The following GRID2 variants were observed in gnomAD, a reference collection of about 807,000 sequenced individuals.
GRID2 encodes glutamate receptor ionotropic, delta-2.
GRID2 carries 33 observed loss-of-function variants against 114.8 expected under a neutral mutation model. That is an observed-to-expected ratio of 0.29 (90% CI 0.22 to 0.38). GRID2 has a LOEUF of 0.38. Among genes scored for constraint, GRID2 ranks in the 10% least tolerant of loss-of-function variants. GRID2 has a pLI of 1.00. For missense variants in GRID2, 1,184 were observed against 1,257.7 expected (o/e 0.94, Z 0.89); for synonymous variants, 505 against 449.9 (o/e 1.12, Z -1.55).
Position 92,393,812 on chromosome 4 carries a change from G to A in GRID2, c.88+89068G>A, listed in dbSNP as rs534577354. Among the ~76,000 whole-genome samples, 10 of 152,188 alleles carry A rather than the reference G, an allele frequency of 6.6e-5. No homozygotes were observed. The East Asian group carries it at 1.7e-3, about 26-fold the overall frequency. ...AGCTAACTCGATGTTCATTTTAATG[G>A]AATTTTTATGTTAAAGCCTAGTGAT... On this transcript the variant is annotated intron_variant, in intron 1 of 15. Transcript: ENST00000282020.
At chr4:93,104,299 A>G (rs1383404794) in intron 3 of GRID2, among the ~76,000 whole-genome samples, 1 of 152,100 alleles carries the variant, frequency 6.6e-6, no homozygotes, top group Non-Finnish European at 1.5e-5. Flanking sequence ...AGTTATTAAT[A>G]GTATTTTTTA....
intron 1 of GRID2, among the ~76,000 whole-genome samples, chr4:92,424,752 C>T (rs1222380807): frequency 1.3e-5 from 2 of 149,580 alleles, no homozygotes; most frequent in Non-Finnish European, 3.0e-5. Context: ...ACCACAAGGA[C>T]AAGCTTCTAG....
intron 9 of GRID2, among the ~76,000 whole-genome samples, chr4:93,400,785 C>G (rs1023728333): frequency 1.3e-5 from 2 of 152,034 alleles, no homozygotes; most frequent in Non-Finnish European, 2.9e-5. Flanking sequence ...AACATACATT[C>G]ACTCATGAAT....
intron 2 of GRID2, among the ~76,000 whole-genome samples, chr4:92,974,479 C>G: frequency 6.6e-6 from 1 of 152,032 alleles, no homozygotes; most frequent in East Asian, 1.9e-4. Flanking sequence ...AAAGATGGCA[C>G]ATATACACCA....
intron 2 of GRID2, among the ~76,000 whole-genome samples, chr4:92,951,950 T>A (rs1752072981): frequency 6.6e-6 from 1 of 152,180 alleles, no homozygotes; most frequent in African/African-American, 2.4e-5. Flanking sequence ...CTCACCTAAG[T>A]CTTATTGATT....
At chr4:92,817,898 A>G (rs540809892) in intron 2 of GRID2, among the ~76,000 whole-genome samples, 5 of 152,230 alleles carry the variant, frequency 3.3e-5, no homozygotes, top group African/African-American at 9.6e-5. Flanking sequence ...AAACAGATAC[A>G]GAGGAGTTTT....
chr4:92,663,183 T>C (rs532933170), intron 2 of GRID2, among the ~76,000 whole-genome samples: 56 of 151,116 alleles, frequency 3.7e-4, no homozygotes, highest in African/African-American at 1.3e-3. Context: ...AGCCTCTTGA[T>C]GGACAAAAAT....
intron 2 of GRID2, among the ~76,000 whole-genome samples, chr4:93,035,624 G>C (rs186143757): frequency 6.6e-6 from 1 of 152,162 alleles, no homozygotes; most frequent in East Asian, 1.9e-4. Context: ...ATCCTCTCAA[G>C]TACTGGATTG....
At position 92,848,565 on chromosome 4, in the gene GRID2, C is replaced by T. The variant is rs780446138; in HGVS notation, c.245-236430C>T. On this transcript the variant is annotated intron_variant, in intron 2 of 15. Transcript: ENST00000282020. ...CAACTCCATTTTGCAAAGTGCAAAT[C>T]GGAGGCCTTGGAGTGGCCTTTGATT... 4.6e-5 allele frequency among the ~76,000 whole-genome samples: 7 copies of T among 151,970 alleles called. No individual in the cohort carries two copies. In the South Asian group the frequency reaches 1.5e-3, roughly 32 times the overall value.
At chr4:92,818,474 G>A (rs534471776) in intron 2 of GRID2, among the ~76,000 whole-genome samples, 1 of 152,070 alleles carries the variant, frequency 6.6e-6, no homozygotes, top group Non-Finnish European at 1.5e-5. Context: ...CATTACCAAC[G>A]AAGGCCCAAC....
At chr4:92,439,755 G>T (rs1008180398) in intron 1 of GRID2, among the ~76,000 whole-genome samples, 41 of 146,038 alleles carry the variant, frequency 2.8e-4, no homozygotes, top group African/African-American at 8.3e-4. Context: ...GACATCTGAT[G>T]AGAGAGTGCC....
At chr4:92,756,474 TTCAA>T (rs1737725697) in intron 2 of GRID2, among the ~76,000 whole-genome samples, 1 of 152,172 alleles carries the variant, frequency 6.6e-6, no homozygotes, top group African/African-American at 2.4e-5. Flanking sequence ...AGTGAGATTA[TTCAA>T]TCAAATAGTA....
chr4:92,583,056 T>G (rs1728257428), intron 1 of GRID2, among the ~76,000 whole-genome samples: 1 of 152,076 alleles, frequency 6.6e-6, no homozygotes, highest in Non-Finnish European at 1.5e-5. Flanking sequence ...TGTTTTAATG[T>G]ATATATTGCC....
At chr4:92,550,100 C>T (rs1401793235) in intron 1 of GRID2, among the ~76,000 whole-genome samples, 1 of 152,028 alleles carries the variant, frequency 6.6e-6, no homozygotes, top group Non-Finnish European at 1.5e-5. Flanking sequence ...TTGATATATA[C>T]ATTTACAGTA....
chr4:93,622,248 G>A (rs1262778822), intron 13 of GRID2, among the ~76,000 whole-genome samples: 2 of 152,130 alleles, frequency 1.3e-5, no homozygotes, highest in Non-Finnish European at 2.9e-5. Context: ...CAATGCAGAC[G>A]AAACCTAACC....
chr4:93,721,941 C>T (rs1196591044), intron 14 of GRID2, among the ~76,000 whole-genome samples: 31 of 126,646 alleles, frequency 2.4e-4, no homozygotes, highest in African/African-American at 7.7e-4. Context: ...TTTTTTGAGA[C>T]GGAATCTTGC....
chr4:92,928,691 C>A (rs1750009732), intron 2 of GRID2, among the ~76,000 whole-genome samples: 1 of 151,464 alleles, frequency 6.6e-6, no homozygotes, highest in African/African-American at 2.4e-5. Context: ...AGGTAATTAA[C>A]CACTGAACTA....
chr4:93,488,878 G>T (rs763527702), intron 11 of GRID2, among the ~76,000 whole-genome samples: 1 of 151,726 alleles, frequency 6.6e-6, no homozygotes, highest in African/African-American at 2.4e-5. Context: ...CAGTCATATC[G>T]GATTAGAATC....
intron 1 of GRID2, among the ~76,000 whole-genome samples, chr4:92,313,123 A>G (rs558739596): frequency 1.2e-3 from 164 of 136,516 alleles, no homozygotes; most frequent in South Asian, 2.8e-3. Flanking sequence ...GTGTGTGTGT[A>G]TATGAGATGG....
Sources: allele counts gnomAD v4.1 joint callset (sites outside exome capture counted in the v4.1 genomes callset), GRCh38; gene constraint gnomAD v4.1.1; transcripts MANE v1.5; gene names NCBI Gene and HGNC (gene_info 2026-07-23, HGNC 2026-07-21).